Variants in AGMO observed in about 807,000 individuals in gnomAD.
The protein encoded by AGMO is glyceryl-ether monooxygenase.
In AGMO, 75 loss-of-function variants were observed where a neutral mutation model predicts 60.2. The ratio of observed to expected loss-of-function variants is 1.25; its 90% CI spans 1.03 to 1.51. AGMO has a LOEUF of 1.51. AGMO is among the 40% of genes most tolerant of loss of function. The pLI is 0.00. For synonymous variants in AGMO, 261 were observed against 177.1 expected, an observed-to-expected ratio of 1.47 and a Z score of -3.76; for missense variants, 763 against 525.5, an observed-to-expected ratio of 1.45 and a Z score of -4.42.
chr7:15,511,316 C>T (rs1015888500), intron 3 of AGMO, among the ~76,000 whole-genome samples: 1 of 152,140 alleles, frequency 6.6e-6, no homozygotes, highest in Non-Finnish European at 1.5e-5. Context: ...GTAAAAAACC[C>T]ACACTGATGT....
Position 15,548,548 on chromosome 7 carries a change from C to G in AGMO, c.258-3625G>C, listed in dbSNP as rs554338853. 2.3e-3 allele frequency among the ~76,000 whole-genome samples: 352 copies of G among 152,134 alleles called. 2 individuals are homozygous for G. The highest frequency in any genetic ancestry group is 8.0e-3 in the African/African-American group (330 of 41,476). ...AAGGCTCAGGAGCCGATGTGATCAACTGGAAGAAAGGGTATCAGCGATGGA... is the reference window on the plus strand; with the variant it reads ...AAGGCTCAGGAGCCGATGTGATCAAGTGGAAGAAAGGGTATCAGCGATGGA... On this transcript the variant is annotated intron_variant, in intron 2 of 12. Coordinates refer to ENST00000342526, the MANE Select transcript of AGMO (RefSeq NM_001004320.2).
intron 12 of AGMO, among the ~76,000 whole-genome samples, chr7:15,202,489 A>C (rs796930457): frequency 2.2e-3 from 297 of 132,056 alleles, no homozygotes; most frequent in African/African-American, 7.8e-3. Flanking sequence ...AAAAAAAAAA[A>C]CCCTCCCAAA....
chr7:15,350,890 GGA>G (rs1003986739), intron 12 of AGMO, among the ~76,000 whole-genome samples: 8 of 152,108 alleles, frequency 5.3e-5, no homozygotes, highest in Non-Finnish European at 1.2e-4. Context: ...GCATTATTTT[GGA>G]GAGACAGTAA....
intron 12 of AGMO, among the ~76,000 whole-genome samples, chr7:15,328,478 A>G (rs967728817): frequency 6.6e-6 from 1 of 152,182 alleles, no homozygotes; most frequent in Non-Finnish European, 1.5e-5. Context: ...GATTCTTCCC[A>G]TAGGAGCTGT....
rs549719926 is a variant in AGMO, at chr7:15,362,907, T to C, written c.1263+2607A>G. ...TCATTACATGGACGAAAATGTACCT[T>C]GATCATTAAGAGTTATAGTGTCAGA... is the stretch of plus-strand genomic sequence containing the variant. On this transcript the variant is annotated intron_variant, in intron 12 of 12. Coordinates refer to ENST00000342526, the MANE Select transcript of AGMO (RefSeq NM_001004320.2). 3.6e-3 allele frequency among the ~76,000 whole-genome samples: 554 copies of C among 152,338 alleles called. 2 individuals are homozygous for C. Among genetic ancestry groups the C allele is most frequent in the Middle Eastern group, 6.8e-3 (2 of 294 alleles).
intron 12 of AGMO, among the ~76,000 whole-genome samples, chr7:15,351,767 TAAC>T (rs556893747): frequency 4.7e-4 from 72 of 152,250 alleles, no homozygotes; most frequent in African/African-American, 1.2e-3. Flanking sequence ...TTTTTAAAAA[TAAC>T]AAAGTATACG....
At chr7:15,493,236 G>GT (rs930253234) in intron 3 of AGMO, among the ~76,000 whole-genome samples, 15 of 147,698 alleles carry the variant, frequency 1.0e-4, no homozygotes, top group East Asian at 2.0e-4. Flanking sequence ...CAGCTTGTTT[G>GT]TTTTTTTTGC....
intron 12 of AGMO, among the ~76,000 whole-genome samples, chr7:15,261,767 A>C (rs1783278645): frequency 6.6e-6 from 1 of 152,142 alleles, no homozygotes; most frequent in Non-Finnish European, 1.5e-5. Context: ...ATACTGGTGA[A>C]TGGAATCCAA....
At chr7:15,314,078 G>A (rs1254379120) in intron 12 of AGMO, among the ~76,000 whole-genome samples, 1 of 152,016 alleles carries the variant, frequency 6.6e-6, no homozygotes, top group Non-Finnish European at 1.5e-5. Context: ...TGGCAGTGTT[G>A]ATGGTTGGAT....
intron 2 of AGMO, among the ~76,000 whole-genome samples, chr7:15,557,899 T>C (rs1785189971): frequency 6.6e-6 from 1 of 151,942 alleles, no homozygotes; most frequent in South Asian, 2.1e-4. Flanking sequence ...GAGTTAACAG[T>C]TTGTGTTAGT....
chr7:15,411,108 A>G (rs1367290113), intron 5 of AGMO, among the ~76,000 whole-genome samples: 3 of 152,020 alleles, frequency 2.0e-5, no homozygotes, highest in East Asian at 3.9e-4. Context: ...TGGGCTCCTG[A>G]TAAAAGGATA....
At chr7:15,361,181 G>A (rs886295857) in intron 12 of AGMO, among the ~76,000 whole-genome samples, 3 of 151,674 alleles carry the variant, frequency 2.0e-5, no homozygotes, top group African/African-American at 7.3e-5. Flanking sequence ...TGGTGTCTTT[G>A]ACTGAAACTG....
the AGMO span, among the ~76,000 whole-genome samples, chr7:15,120,654 G>C: frequency 6.6e-6 from 1 of 151,988 alleles, no homozygotes; most frequent in African/African-American, 2.4e-5. Context: ...CTTAAACTTG[G>C]ACTCCCCACC....
chr7:15,164,654 A>G, the AGMO span, among the ~76,000 whole-genome samples: 1 of 152,076 alleles, frequency 6.6e-6, no homozygotes, highest in South Asian at 2.1e-4. Context: ...GAGAAATGCA[A>G]ATTTTTTTTC....
At chr7:15,183,185 T>C in the AGMO span, among the ~76,000 whole-genome samples, 3 of 152,092 alleles carry the variant, frequency 2.0e-5, no homozygotes, top group Admixed American at 2.0e-4. Flanking sequence ...TCTGCCTTTA[T>C]ATGTCTATTC....
rs114012766 is a variant in AGMO, at chr7:15,261,053, A to G, written c.1264-59694T>C. On this transcript the variant is annotated intron_variant, in intron 12 of 12. Coordinates refer to ENST00000342526, the MANE Select transcript of AGMO (RefSeq NM_001004320.2). ...AAGGTTTATAGCATTAAATACCTAC[A>G]TCAAAAAGTCTGAATGAGCATAAAT... Among the ~76,000 whole-genome samples the G allele has an allele frequency of 4.0e-3, 610 of 152,216 alleles. 4 individuals carry two copies. Among genetic ancestry groups the G allele is most frequent in the African/African-American group, 0.014 (574 of 41,562 alleles).
At chr7:15,319,272 G>GT (rs1339344904) in intron 12 of AGMO, among the ~76,000 whole-genome samples, 1 of 152,142 alleles carries the variant, frequency 6.6e-6, no homozygotes, top group Non-Finnish European at 1.5e-5. Context: ...AATTACCAGA[G>GT]TAGGAAATGG....
chr7:15,349,821 G>A (rs1782170923), intron 12 of AGMO, among the ~76,000 whole-genome samples: 1 of 152,040 alleles, frequency 6.6e-6, no homozygotes, highest in Admixed American at 6.6e-5. Flanking sequence ...AAACCATCAG[G>A]TCTGGTGAGA....
chr7:15,448,383 G>A (rs535969885), intron 3 of AGMO, among the ~76,000 whole-genome samples: 1 of 152,170 alleles, frequency 6.6e-6, no homozygotes, highest in South Asian at 2.1e-4. Context: ...CCAGGAAGTG[G>A]GCCCTTACTA....
Sources: gnomAD v4.1 joint callset for allele counts (sites outside exome capture counted in the v4.1 genomes callset) on GRCh38, gnomAD v4.1.1 for gene constraint, MANE v1.5 for transcripts, NCBI Gene and HGNC (gene_info 2026-07-23, HGNC 2026-07-21) for gene names.